Variants in KIF5C observed in about 807,000 individuals in gnomAD.
The protein encoded by KIF5C is kinesin heavy chain isoform 5C.
Under a neutral mutation model 125.2 loss-of-function variants are expected in KIF5C, and 18 were observed. The ratio of observed to expected loss-of-function variants is 0.14; its 90% CI spans 0.10 to 0.21. The LOEUF (loss-of-function observed/expected upper bound fraction) is 0.21. Among genes scored for constraint, KIF5C ranks in the 10% least tolerant of loss-of-function variants. The probability of loss-of-function intolerance (pLI) is 1.00; values close to 1 mark genes in which losing one functional copy is unlikely to be tolerated. For synonymous variants in KIF5C, 405 were observed against 434.0 expected (o/e 0.93, Z 0.83); for missense variants, 780 against 1,183.8 (o/e 0.66, Z 5.01).
intron 10 of KIF5C, among the ~76,000 whole-genome samples, chr2:148,957,957 C>T (rs1346518640): frequency 6.6e-6 from 1 of 150,872 alleles, no homozygotes; most frequent in Non-Finnish European, 1.5e-5. Context: ...AATGAAATCA[C>T]CCAGTACTGT....
rs1558876307 is a variant in KIF5C at position 148,895,876 on chromosome 2, C to CACACACA, written c.126+20133_126+20134insACACACA. On this transcript the variant is annotated intron_variant, in intron 1 of 25. Transcript: ENST00000435030. ...CACACACACACACACACACACACAC[C>CACACACA]CACAGAGATCTGGTGTCTCTTCCTC... Among the ~76,000 whole-genome samples, 203 of 27,148 alleles carry CACACACA rather than the reference C, an allele frequency of 7.5e-3. 1 individual carries two copies. Among genetic ancestry groups the CACACACA allele is most frequent in the African/African-American group, 0.014 (189 of 13,666 alleles). The allele number at this position is 27,148 out of a possible 152,430, so 17.8% of individuals were successfully genotyped here.
At chr2:148,955,805 A>G (rs1240634698) in intron 10 of KIF5C, among the ~76,000 whole-genome samples, 1 of 152,178 alleles carries the variant, frequency 6.6e-6, no homozygotes. Flanking sequence ...TTCACAGTGC[A>G]GAATCACACA....
intron 1 of KIF5C, among the ~76,000 whole-genome samples, chr2:148,889,465 C>G (rs546627018): frequency 1.3e-5 from 2 of 152,260 alleles, no homozygotes; most frequent in East Asian, 3.9e-4. Context: ...GGTTGCTGTA[C>G]CCCACTCCCC....
chr2:148,875,386 C>A lies in KIF5C; in HGVS notation c.-232C>A, dbSNP rs1186586206. On this transcript the variant is annotated 5_prime_UTR_variant, in exon 1 of 26. Transcript: ENST00000435030. ...GGGCAGGGGCGGGGCAGGGCCAGGG[C>A]AGGCCGGTCTGCAGCCGGAGGGGCC... The A allele has an allele frequency of 4.0e-6, 2 of 500,044 alleles. No individual in the cohort carries two copies. The highest frequency in any genetic ancestry group is 4.9e-5 in the South Asian group (2 of 41,142). The allele number at this position is 500,044 out of a possible 1,614,324, so 31.0% of individuals were successfully genotyped here. A position where few individuals can be genotyped will look rare whatever the true frequency, so the allele number is the denominator to read the frequency against.
intron 10 of KIF5C, among the ~76,000 whole-genome samples, chr2:148,954,416 A>C (rs1252340259): frequency 6.6e-6 from 1 of 152,172 alleles, no homozygotes; most frequent in Non-Finnish European, 1.5e-5. Flanking sequence ...CTTCTCAACT[A>C]CTTTTACAGC....
intron 21 of KIF5C, among the ~76,000 whole-genome samples, chr2:149,004,397 T>C (rs913464674): frequency 3.9e-5 from 6 of 152,180 alleles, no homozygotes; most frequent in Non-Finnish European, 7.3e-5. Flanking sequence ...TAGGAAAATA[T>C]TTTGCAAGGA....
intron 10 of KIF5C, among the ~76,000 whole-genome samples, chr2:148,960,223 T>C (rs1313443541): frequency 6.6e-6 from 1 of 152,256 alleles, no homozygotes; most frequent in Non-Finnish European, 1.5e-5. Flanking sequence ...TAAACCTGCC[T>C]GAGTATAGCA....
chr2:148,922,188 G>T lies in KIF5C; in HGVS notation c.178G>T (p.Glu60Ter). The T allele has an allele frequency of 6.2e-7, 1 of 1,613,604 alleles. No homozygotes were observed. Among genetic ancestry groups the T allele is most frequent in the Non-Finnish European group, 8.5e-7 (1 of 1,179,812 alleles). The change falls in exon 2 of 26, where the codon GAG (glutamate) becomes TAG (stop). Residue 60 changes from glutamate to a stop codon, truncating the protein, a stop_gained. Transcript: ENST00000435030. LOFTEE classifies it high-confidence loss of function. ...DRVLPPNTTQ[E>*]QVYNACAKQI... Reference sequence around the variant, plus strand: ...AGTGCTACCTCCCAACACGACCCAAGAGCAGGTTTACAATGCATGTGCGAA... The same window carrying T: ...AGTGCTACCTCCCAACACGACCCAATAGCAGGTTTACAATGCATGTGCGAA...
At chr2:148,984,944 C>T (rs1681336298) in intron 15 of KIF5C, among the ~76,000 whole-genome samples, 1 of 152,056 alleles carries the variant, frequency 6.6e-6, no homozygotes, top group Non-Finnish European at 1.5e-5. Context: ...GCATGTGCCA[C>T]CAGGCCCTGC....
rs6759259 is a variant in KIF5C at position 149,005,511 on chromosome 2, G to C, written c.2445+47G>C. 3.1e-3 allele frequency: 5,011 copies of C among 1,602,240 alleles called. 120 individuals are homozygous for C. The African/African-American group carries it at 0.057, about 18-fold the overall frequency. On this transcript the variant is annotated intron_variant, in intron 22 of 25. Transcript: ENST00000435030. ...GGGACTGAGAAGAAAATCAAAGATG[G>C]CAGGGAAGAATCATTTTCAGTTGAA...
At chr2:149,019,854 C>G (rs999071371) in intron 25 of KIF5C, among the ~76,000 whole-genome samples, 1 of 152,174 alleles carries the variant, frequency 6.6e-6, no homozygotes, top group Non-Finnish European at 1.5e-5. Flanking sequence ...GTATAATTAA[C>G]TTCCTTCATT....
Position 148,875,391 on chromosome 2 carries a change from C to A in KIF5C, c.-227C>A, listed in dbSNP as rs1442705815. On this transcript the variant is annotated 5_prime_UTR_variant, in exon 1 of 26. Transcript: ENST00000435030. Reference sequence around the variant, plus strand: ...GGGGCGGGGCAGGGCCAGGGCAGGCCGGTCTGCAGCCGGAGGGGCCGGAGC... The same window carrying A: ...GGGGCGGGGCAGGGCCAGGGCAGGCAGGTCTGCAGCCGGAGGGGCCGGAGC... The A allele has an allele frequency of 5.9e-6, 3 of 506,244 alleles. No homozygotes were observed. In the African/African-American group the frequency reaches 6.2e-5, roughly 10 times the overall value. 31.4% of individuals were successfully genotyped at this position (506,244 alleles called of 1,614,324 possible).
At chr2:148,966,951 A>C (rs1680744415) in intron 11 of KIF5C, among the ~76,000 whole-genome samples, 1 of 152,110 alleles carries the variant, frequency 6.6e-6, no homozygotes, top group Admixed American at 6.5e-5. Context: ...GTAAGTAATA[A>C]ATTCTTTATA....
intron 25 of KIF5C, among the ~76,000 whole-genome samples, chr2:149,020,006 C>T (rs1682484949): frequency 6.6e-6 from 1 of 152,176 alleles, no homozygotes; most frequent in Non-Finnish European, 1.5e-5. Context: ...AGTCCCCTGC[C>T]TCTAAGTGAG....
intron 10 of KIF5C, among the ~76,000 whole-genome samples, chr2:148,960,283 C>T (rs1682895457): frequency 6.6e-6 from 1 of 152,210 alleles, no homozygotes; most frequent in African/African-American, 2.4e-5. Flanking sequence ...TATCAAGGGA[C>T]TCTTTATGAT....
intron 1 of KIF5C, among the ~76,000 whole-genome samples, chr2:148,901,070 C>A (rs1225508866): frequency 6.6e-6 from 1 of 152,190 alleles, no homozygotes; most frequent in African/African-American, 2.4e-5. Flanking sequence ...GGACATGATA[C>A]AAGTGCCCTG....
intron 11 of KIF5C, among the ~76,000 whole-genome samples, chr2:148,969,714 A>G (rs914560971): frequency 6.6e-6 from 1 of 152,100 alleles, no homozygotes; most frequent in African/African-American, 2.4e-5. Flanking sequence ...CATAATCACC[A>G]TGTGGGGGCT....
chr2:149,011,103 T>C (rs73011351), intron 24 of KIF5C, among the ~76,000 whole-genome samples: 6,934 of 151,854 alleles, frequency 0.046, 393 homozygotes, highest in African/African-American at 0.13. Context: ...GTTTCACGTT[T>C]CTAGTTTTAA....
Position 148,951,331 on chromosome 2 carries a change from A to G in KIF5C, c.968+869A>G, listed in dbSNP as rs187937345. 2.7e-3 allele frequency among the ~76,000 whole-genome samples: 415 copies of G among 152,302 alleles called. 1 individual carries two copies. The highest frequency in any genetic ancestry group is 9.6e-3 in the African/African-American group (401 of 41,564). On this transcript the variant is annotated intron_variant, in intron 10 of 25. Coordinates refer to ENST00000435030, the MANE Select transcript of KIF5C (RefSeq NM_004522.3). The stretch of plus-strand genomic sequence containing the variant: ...GCTTCCTACTTTTAAAAATTCCCAC[A>G]TGAGACTTCCTAGATCCCTGGGAGG...
Sources: gnomAD v4.1 joint callset for allele counts (sites outside exome capture counted in the v4.1 genomes callset) on GRCh38, gnomAD v4.1.1 for gene constraint, MANE v1.5 for transcripts, NCBI Gene and HGNC (gene_info 2026-07-23, HGNC 2026-07-21) for gene names.